Variants in HDAC9 observed in about 807,000 individuals in gnomAD.
HDAC9 encodes histone deacetylase 9.
HDAC9 carries 41 observed loss-of-function variants against 139.4 expected under a neutral mutation model. The observed-to-expected ratio is 0.29, with a 90% CI of 0.23 to 0.38. The LOEUF is 0.38. Among genes scored for constraint, HDAC9 ranks in the 10% least tolerant of loss-of-function variants. The pLI, the probability that HDAC9 is intolerant of heterozygous loss-of-function variation, is 1.00. For synonymous variants in HDAC9, 517 were observed against 476.2 expected, an observed-to-expected ratio of 1.09 and a Z score of -1.12; for missense variants, 1,147 against 1,297.0, an observed-to-expected ratio of 0.88 and a Z score of 1.78.
intron 1 of HDAC9, among the ~76,000 whole-genome samples, chr7:18,121,904 A>T (rs1170520404): frequency 6.6e-6 from 1 of 152,216 alleles, no homozygotes; most frequent in Non-Finnish European, 1.5e-5. Flanking sequence ...AGATGAAGAG[A>T]TCTTGAGGAA....
At chr7:18,183,869 C>T (rs1789698841) in intron 2 of HDAC9, among the ~76,000 whole-genome samples, 1 of 152,178 alleles carries the variant, frequency 6.6e-6, no homozygotes, top group South Asian at 2.1e-4. Context: ...TCTTTCTCCT[C>T]CCCTCCTCTT....
chr7:18,855,011 G>A (rs572877392), intron 21 of HDAC9, among the ~76,000 whole-genome samples: 2 of 152,228 alleles, frequency 1.3e-5, no homozygotes, highest in South Asian at 4.1e-4. Context: ...ATAATATAAT[G>A]GGAAAATGGA....
At chr7:18,753,787 G>A (rs1250167182) in intron 14 of HDAC9, among the ~76,000 whole-genome samples, 5 of 152,090 alleles carry the variant, frequency 3.3e-5, no homozygotes, top group African/African-American at 1.2e-4. Flanking sequence ...GCTTTTGTCA[G>A]ACCATTTAAC....
Position 18,717,949 on chromosome 7 carries a change from AGT to A in HDAC9, c.1732-9628_1732-9627del, listed in dbSNP as rs1784831371. Among the ~76,000 whole-genome samples the A allele has an allele frequency of 1.3e-5, 2 of 152,200 alleles. 1 individual carries two copies. The highest frequency in any genetic ancestry group is 1.3e-4 in the Admixed American group (2 of 15,286). On this transcript the variant is annotated intron_variant, in intron 12 of 25. Transcript: ENST00000686413. ...AAACTTTTTTACTATGATTTTAAAAAGTGTTTTTAACAACTTTATTAATATAT... is the reference window on the plus strand; with the variant it reads ...AAACTTTTTTACTATGATTTTAAAAAGTTTTTAACAACTTTATTAATATAT...
intron 6 of HDAC9, among the ~76,000 whole-genome samples, chr7:18,595,628 T>C (rs1832262489): frequency 6.6e-6 from 1 of 152,036 alleles, no homozygotes; most frequent in African/African-American, 2.4e-5. Context: ...ATTCCCCTTA[T>C]GGCAGGAGGT....
At chr7:18,395,121 C>G (rs1786898555) in intron 1 of HDAC9, 1 of 151,966 alleles carries the variant, frequency 6.6e-6, no homozygotes, top group African/African-American at 2.4e-5. Flanking sequence ...ATAGGAGTAC[C>G]TGGTAAAATG....
At chr7:18,974,283 C>T (rs982316700) in intron 24 of HDAC9, among the ~76,000 whole-genome samples, 3 of 152,224 alleles carry the variant, frequency 2.0e-5, no homozygotes, top group Non-Finnish European at 2.9e-5. Context: ...TTCTAATGAT[C>T]TTTCAAATAC....
intron 2 of HDAC9, among the ~76,000 whole-genome samples, chr7:18,520,019 T>A (rs1804516534): frequency 6.6e-6 from 1 of 152,134 alleles, no homozygotes; most frequent in Non-Finnish European, 1.5e-5. Flanking sequence ...TTCATGGTAC[T>A]TGTTTCCATT....
intron 1 of HDAC9, among the ~76,000 whole-genome samples, chr7:18,422,185 G>A (rs1257825968): frequency 7.2e-5 from 11 of 152,020 alleles, no homozygotes; most frequent in South Asian, 2.1e-4. Flanking sequence ...TCCTAGCATC[G>A]GTCTTCTAGT....
intron 2 of HDAC9, among the ~76,000 whole-genome samples, chr7:18,203,793 C>T (rs1791302098): frequency 6.6e-6 from 1 of 152,238 alleles, no homozygotes; most frequent in Admixed American, 6.5e-5. Context: ...TGTCTCAACA[C>T]AGCGGCTGAT....
At chr7:18,781,583 T>C (rs1791251928) in intron 16 of HDAC9, among the ~76,000 whole-genome samples, 1 of 152,100 alleles carries the variant, frequency 6.6e-6, no homozygotes, top group African/African-American at 2.4e-5. Flanking sequence ...GATTTGACTT[T>C]ATTACCTTTT....
chr7:18,432,176 C>T (rs1237755748), intron 1 of HDAC9, among the ~76,000 whole-genome samples: 1 of 152,216 alleles, frequency 6.6e-6, no homozygotes, highest in Non-Finnish European at 1.5e-5. Context: ...ACCTATCCAT[C>T]TATCCACTCA....
At chr7:18,706,204 G>A (rs574474931) in intron 12 of HDAC9, among the ~76,000 whole-genome samples, 2 of 108,788 alleles carry the variant, frequency 1.8e-5, no homozygotes, top group African/African-American at 3.6e-5. Context: ...TCCCTGAGCC[G>A]CAATAAATTT....
At chr7:18,976,037 C>T (rs1784527789) in intron 25 of HDAC9, 84 bp downstream of exon 25, 3 of 1,400,940 alleles carry the variant, frequency 2.1e-6, no homozygotes. Context: ...TCCTGGCTTT[C>T]CTTCACCTGT....
intron 1 of HDAC9, among the ~76,000 whole-genome samples, chr7:18,427,468 A>T (rs1562975554): frequency 1.3e-5 from 2 of 151,422 alleles, no homozygotes; most frequent in Non-Finnish European, 2.9e-5. Context: ...TTTGACTTCC[A>T]TATGTCTAAA....
chr7:18,653,842 C>T (rs1790172798), intron 11 of HDAC9, among the ~76,000 whole-genome samples: 1 of 151,998 alleles, frequency 6.6e-6, no homozygotes, highest in South Asian at 2.1e-4. Context: ...CCTTTTTTGA[C>T]ATAATTTTCT....
At chr7:18,519,583 AT>A (rs1586607203) in intron 2 of HDAC9, among the ~76,000 whole-genome samples, 1 of 152,180 alleles carries the variant, frequency 6.6e-6, no homozygotes, top group African/African-American at 2.4e-5. Flanking sequence ...GGGAGTAAAA[AT>A]AAATGACTAG....
At chr7:18,667,353 T>A (rs1199646137) in intron 12 of HDAC9, 1 of 984,270 alleles carries the variant, frequency 1.0e-6, no homozygotes, top group Non-Finnish European at 1.2e-6. Flanking sequence ...CAAGTCAAAA[T>A]CAGTTTGAAA....
chr7:18,603,831 C>T (rs1259973517), intron 6 of HDAC9, among the ~76,000 whole-genome samples: 1 of 152,070 alleles, frequency 6.6e-6, no homozygotes, highest in African/African-American at 2.4e-5. Context: ...GGCCTACAGG[C>T]AATAAATGTC....
Sources: allele counts gnomAD v4.1 joint callset (sites outside exome capture counted in the v4.1 genomes callset), GRCh38; gene constraint gnomAD v4.1.1; transcripts MANE v1.5; gene names NCBI Gene and HGNC (gene_info 2026-07-23, HGNC 2026-07-21).